Variants in PAK5 observed in about 807,000 individuals in gnomAD.
PAK5 encodes p21 (RAC1) activated kinase 5, also known as serine/threonine-protein kinase PAK 5.
A neutral mutation model predicts 65.9 loss-of-function variants in PAK5; 16 were observed. That is an observed-to-expected ratio of 0.24 (90% confidence interval 0.16 to 0.37). The LOEUF (loss-of-function observed/expected upper bound fraction) is 0.37, where lower values mean the gene tolerates loss of function less well. PAK5 is among the 10% of genes least tolerant of loss of function. The probability of loss-of-function intolerance (pLI) is 1.00; values close to 1 mark genes in which losing one functional copy is unlikely to be tolerated. For synonymous variants in PAK5, 371 were observed against 354.9 expected, an observed-to-expected ratio of 1.05 and a Z score of -0.51; for missense variants, 785 against 903.9, an observed-to-expected ratio of 0.87 and a Z score of 1.69.
At chr20:9,785,417 C>T (rs1351443267) in intron 1 of PAK5, among the ~76,000 whole-genome samples, 4 of 152,126 alleles carry the variant, frequency 2.6e-5, no homozygotes, top group African/African-American at 9.7e-5. Flanking sequence ...TTCAAAATGG[C>T]TATGATGAAA....
intron 7 of PAK5, among the ~76,000 whole-genome samples, chr20:9,555,774 T>C (rs117780597): frequency 6.6e-6 from 1 of 152,166 alleles, no homozygotes; most frequent in Non-Finnish European, 1.5e-5. Flanking sequence ...AAATATAATA[T>C]AAGCACAGGA....
At chr20:9,824,874 A>T (rs2049465715) in intron 1 of PAK5, among the ~76,000 whole-genome samples, 1 of 152,062 alleles carries the variant, frequency 6.6e-6, no homozygotes, top group Non-Finnish European at 1.5e-5. Flanking sequence ...TTCTATATTC[A>T]TTGATATGCC....
intron 3 of PAK5, among the ~76,000 whole-genome samples, chr20:9,640,002 A>G (rs1299415511): frequency 1.3e-5 from 2 of 152,204 alleles, no homozygotes; most frequent in Non-Finnish European, 2.9e-5. Context: ...TAACCAAATA[A>G]TGCATACACT....
chr20:9,671,822 G>T (rs1322712303), intron 2 of PAK5, among the ~76,000 whole-genome samples: 1 of 152,018 alleles, frequency 6.6e-6, no homozygotes, highest in African/African-American at 2.4e-5. Context: ...TTGAATAGGA[G>T]TGGTGAGAGA....
intron 1 of PAK5, among the ~76,000 whole-genome samples, chr20:9,713,513 GTA>G (rs1338340180): frequency 6.6e-6 from 1 of 152,050 alleles, no homozygotes; most frequent in African/African-American, 2.4e-5. Context: ...CCACTGCTGA[GTA>G]TATATCAACA....
intron 1 of PAK5, among the ~76,000 whole-genome samples, chr20:9,771,354 A>G (rs912947792): frequency 5.3e-5 from 8 of 152,064 alleles, no homozygotes; most frequent in African/African-American, 1.9e-4. Flanking sequence ...AACATACTCC[A>G]GTTTTCTTTC....
chr20:9,622,637 C>T (rs1222735983), intron 3 of PAK5, among the ~76,000 whole-genome samples: 4 of 152,234 alleles, frequency 2.6e-5, no homozygotes, highest in African/African-American at 9.6e-5. Context: ...CAGCTGAGCT[C>T]TGCCTCTTGT....
intron 5 of PAK5, among the ~76,000 whole-genome samples, chr20:9,564,517 C>T (rs1040301234): frequency 6.6e-6 from 1 of 152,146 alleles, no homozygotes; most frequent in Non-Finnish European, 1.5e-5. Flanking sequence ...AAGGTTTATT[C>T]ATATCTAGCA....
chr20:9,802,979 A>C (rs1229102661), intron 1 of PAK5, among the ~76,000 whole-genome samples: 1 of 143,382 alleles, frequency 7.0e-6, no homozygotes, highest in South Asian at 2.3e-4. Flanking sequence ...TTAAAGAAAA[A>C]AAAAGCTCCA....
rs373712311 is a variant in PAK5 at position 9,550,539 on chromosome 20, A to G, written c.1744-6045T>C. ...GGAGTAGGTGGTGGTTAAATCTGAA[A>G]GACTGGGTTTATAAAGGTATCATTT... On this transcript the variant is annotated intron_variant, in intron 7 of 9. Coordinates refer to ENST00000353224, the MANE Select transcript of PAK5 (RefSeq NM_177990.4). Among the ~76,000 whole-genome samples, 197 of 152,318 alleles carry G rather than the reference A, an allele frequency of 1.3e-3. 3 individuals carry two copies. In the South Asian group the frequency reaches 0.04, roughly 31 times the overall value.
intron 1 of PAK5, among the ~76,000 whole-genome samples, chr20:9,790,332 T>A (rs781421667): frequency 3.3e-5 from 5 of 151,786 alleles, no homozygotes; most frequent in Non-Finnish European, 5.9e-5. Context: ...GCAAACAGTA[T>A]AAAGGGGCCC....
chr20:9,743,639 C>T lies in PAK5; in HGVS notation c.-161-32204G>A, dbSNP rs2048475249. ...ACTGAGATTGTGCTTATGATTTGCT[C>T]ATATTTTTTGCTAGTTATCAGTGAC... On this transcript the variant is annotated intron_variant, in intron 1 of 9. Coordinates refer to ENST00000353224, the MANE Select transcript of PAK5 (RefSeq NM_177990.4). Among the ~76,000 whole-genome samples the T allele has an allele frequency of 2.6e-5, 4 of 152,114 alleles. No homozygotes were observed. The South Asian group carries it at 8.3e-4, about 32-fold the overall frequency.
chr20:9,574,521 A>T (rs368466710), intron 4 of PAK5, among the ~76,000 whole-genome samples: 19 of 152,350 alleles, frequency 1.2e-4, no homozygotes, highest in African/African-American at 4.1e-4. Context: ...TTGCAGCCTC[A>T]GAATATTGTT....
At chr20:9,699,970 A>C (rs887722075) in intron 2 of PAK5, among the ~76,000 whole-genome samples, 2 of 152,194 alleles carry the variant, frequency 1.3e-5, no homozygotes, top group Admixed American at 6.5e-5. Flanking sequence ...TCAGCATATC[A>C]AACTAGTTTT....
At chr20:9,815,640 T>C (rs1199946598) in intron 1 of PAK5, among the ~76,000 whole-genome samples, 1 of 152,160 alleles carries the variant, frequency 6.6e-6, no homozygotes, top group Non-Finnish European at 1.5e-5. Context: ...CTTTTCTCAC[T>C]GTGGTCCCTC....
At chr20:9,825,704 C>A (rs932697947) in intron 1 of PAK5, among the ~76,000 whole-genome samples, 43 of 152,260 alleles carry the variant, frequency 2.8e-4, no homozygotes, top group Admixed American at 2.6e-3. Flanking sequence ...AAACTCTATA[C>A]TTTTAAATAA....
At chr20:9,773,876 T>C (rs1054686563) in intron 1 of PAK5, among the ~76,000 whole-genome samples, 1 of 152,236 alleles carries the variant, frequency 6.6e-6, no homozygotes, top group South Asian at 2.1e-4. Context: ...AGAGTTACGA[T>C]GTGTGCTCAG....
At chr20:9,661,000 G>A (rs1489942845) in intron 2 of PAK5, among the ~76,000 whole-genome samples, 1 of 152,134 alleles carries the variant, frequency 6.6e-6, no homozygotes, top group African/African-American at 2.4e-5. Flanking sequence ...GTAGCTCTGA[G>A]GGGTGGTGCA....
At chr20:9,546,789 C>T (rs1282224073) in intron 7 of PAK5, among the ~76,000 whole-genome samples, 1 of 152,124 alleles carries the variant, frequency 6.6e-6, no homozygotes, top group Non-Finnish European at 1.5e-5. Context: ...CAGGTTGAGT[C>T]AGTGGTGGAA....
Sources: allele counts gnomAD v4.1 joint callset (sites outside exome capture counted in the v4.1 genomes callset), GRCh38; gene constraint gnomAD v4.1.1; transcripts MANE v1.5; gene names NCBI Gene and HGNC (gene_info 2026-07-23, HGNC 2026-07-21).